The following LRP1B variants were observed in gnomAD, a reference collection of about 807,000 sequenced individuals.
The protein encoded by LRP1B is low-density lipoprotein receptor-related protein 1B.
Under a neutral mutation model 556.6 loss-of-function variants are expected in LRP1B, and 217 were observed. That is an observed-to-expected ratio of 0.39 (90% CI 0.35 to 0.44). The LOEUF (loss-of-function observed/expected upper bound fraction) is 0.44, where lower values mean the gene tolerates loss of function less well. LRP1B is among the 20% of genes least tolerant of loss of function. The pLI, the probability that LRP1B is intolerant of heterozygous loss-of-function variation, is 1.00. For synonymous variants in LRP1B, 2,047 were observed against 1,865.8 expected (o/e 1.10, Z -2.50); for missense variants, 5,053 against 5,620.8 (o/e 0.90, Z 3.23).
intron 2 of LRP1B, among the ~76,000 whole-genome samples, chr2:141,489,227 A>G (rs959516535): frequency 1.4e-5 from 2 of 140,052 alleles, no homozygotes; most frequent in Non-Finnish European, 3.1e-5. Context: ...AGCTCAAGCA[A>G]TCTGCTTGGC....
At chr2:140,848,275 C>T (rs1692336675) in intron 29 of LRP1B, among the ~76,000 whole-genome samples, 1 of 152,222 alleles carries the variant, frequency 6.6e-6, no homozygotes, top group South Asian at 2.1e-4. Flanking sequence ...CACATTTGCC[C>T]CTGCCCTTGT....
intron 3 of LRP1B, among the ~76,000 whole-genome samples, chr2:141,315,900 T>C (rs917389274): frequency 7.0e-6 from 1 of 142,704 alleles, no homozygotes; most frequent in East Asian, 2.0e-4. Flanking sequence ...TTTTTTTTTT[T>C]TTTTTTTTTT....
chr2:141,444,964 C>T (rs1681130144), intron 3 of LRP1B, among the ~76,000 whole-genome samples: 1 of 152,144 alleles, frequency 6.6e-6, no homozygotes, highest in African/African-American at 2.4e-5. Context: ...GGAGGAGTCC[C>T]TCTTTTTCTA....
At chr2:140,973,314 T>G (rs911995027) in intron 18 of LRP1B, among the ~76,000 whole-genome samples, 2 of 151,910 alleles carry the variant, frequency 1.3e-5, no homozygotes, top group Admixed American at 1.3e-4. Flanking sequence ...CTTCAAAAGT[T>G]AGGCTTATCC....
intron 7 of LRP1B, among the ~76,000 whole-genome samples, chr2:141,129,669 G>A (rs1233216659): frequency 3.3e-5 from 5 of 151,806 alleles, no homozygotes; most frequent in African/African-American, 4.8e-5. Flanking sequence ...ATATTCATTG[G>A]TTTCATTTTA....
intron 1 of LRP1B, among the ~76,000 whole-genome samples, chr2:142,013,342 T>C (rs1703013989): frequency 6.6e-6 from 1 of 152,136 alleles, no homozygotes; most frequent in Admixed American, 6.5e-5. Context: ...CAGAGTAGTA[T>C]CGGAAGGTGA....
At position 141,807,968 on chromosome 2, in the gene LRP1B, A is replaced by G. The variant is rs982144995; in HGVS notation, c.205+2311T>C. ...AATATTTGTCATCACCTACTTCGAC[A>G]TGCATTGAGAGGTCTCTTTTCTCTC... On this transcript the variant is annotated intron_variant, in intron 2 of 90. Transcript: ENST00000389484. 6.6e-5 allele frequency among the ~76,000 whole-genome samples: 10 copies of G among 152,184 alleles called. No individual in the cohort carries two copies. In the East Asian group the frequency reaches 1.7e-3, roughly 27 times the overall value.
At chr2:142,095,165 G>T (rs928891892) in intron 1 of LRP1B, among the ~76,000 whole-genome samples, 1 of 151,142 alleles carries the variant, frequency 6.6e-6, no homozygotes, top group African/African-American at 2.4e-5. Context: ...TCAGCAGATG[G>T]ACCCCTATAT....
At chr2:140,988,550 C>T (rs1280009417) in intron 17 of LRP1B, among the ~76,000 whole-genome samples, 2 of 151,826 alleles carry the variant, frequency 1.3e-5, no homozygotes, top group African/African-American at 4.8e-5. Flanking sequence ...AATACTCTTA[C>T]CGTGCTGGAA....
intron 2 of LRP1B, among the ~76,000 whole-genome samples, chr2:141,729,060 C>A (rs1156840924): frequency 1.3e-5 from 2 of 152,134 alleles, no homozygotes; most frequent in Non-Finnish European, 2.9e-5. Flanking sequence ...CCGCTTATTA[C>A]AGCAGCTGAG....
chr2:142,067,545 A>G (rs1705150837), intron 1 of LRP1B, among the ~76,000 whole-genome samples: 1 of 151,568 alleles, frequency 6.6e-6, no homozygotes, highest in Non-Finnish European at 1.5e-5. Context: ...CCCAAAGTGG[A>G]AGTCATCCCT....
intron 7 of LRP1B, among the ~76,000 whole-genome samples, chr2:141,118,375 T>A (rs994067208): frequency 5.3e-5 from 8 of 151,944 alleles, no homozygotes; most frequent in Admixed American, 2.6e-4. Context: ...TCCTACCAGG[T>A]ATACCACTTG....
chr2:140,942,542 A>G (rs1334129783), intron 20 of LRP1B, among the ~76,000 whole-genome samples: 1 of 152,108 alleles, frequency 6.6e-6, no homozygotes, highest in Non-Finnish European at 1.5e-5. Flanking sequence ...GCTAGAGACA[A>G]AAGTCATATC....
rs528995935 is a variant in LRP1B at position 140,314,419 on chromosome 2, T to C, written c.12805+516A>G. Among the ~76,000 whole-genome samples, 201 of 152,194 alleles carry C rather than the reference T, an allele frequency of 1.3e-3. 1 individual carries two copies. The highest frequency in any genetic ancestry group is 3.4e-3 in the Middle Eastern group (1 of 294). Reference sequence around the variant, plus strand: ...ATTAATAATAATCTCAAATATATCCTAAGATGTAGAAACCTTGTATTTCCA... The same window carrying C: ...ATTAATAATAATCTCAAATATATCCCAAGATGTAGAAACCTTGTATTTCCA... On this transcript the variant is annotated intron_variant, in intron 83 of 90. Transcript: ENST00000389484.
rs79707122 is a variant in LRP1B, at chr2:141,520,614, G to A, written c.206-40081C>T. 5.3e-3 allele frequency among the ~76,000 whole-genome samples: 801 copies of A among 152,052 alleles called. 7 individuals carry two copies. The highest frequency in any genetic ancestry group is 0.018 in the African/African-American group (762 of 41,470). On this transcript the variant is annotated intron_variant, in intron 2 of 90. Transcript: ENST00000389484. The stretch of plus-strand genomic sequence containing the variant: ...TCTGACTGACTGCCTCAACTGTGAC[G>A]GCGATGGTAAACGGGTCGGGAGAGG...
intron 3 of LRP1B, among the ~76,000 whole-genome samples, chr2:141,292,055 G>A (rs1685991035): frequency 6.6e-6 from 1 of 152,150 alleles, no homozygotes; most frequent in African/African-American, 2.4e-5. Flanking sequence ...GGTGAGCATG[G>A]GTGAGGTAGC....
intron 43 of LRP1B, among the ~76,000 whole-genome samples, chr2:140,569,471 G>C (rs1337230177): frequency 1.3e-5 from 2 of 151,720 alleles, no homozygotes; most frequent in Non-Finnish European, 3.0e-5. Flanking sequence ...AGACAAAGAA[G>C]GTCATTATGT....
In LRP1B at chr2:141,953,729, C is replaced by T. The variant is rs541803312; in HGVS notation, c.83-143328G>A. Among the ~76,000 whole-genome samples, 31 of 152,208 alleles carry T rather than the reference C, an allele frequency of 2.0e-4. No homozygotes were observed. The South Asian group carries it at 6.2e-3, about 31-fold the overall frequency. ...TTTTGGAGTTCCTACATTATAACATCTTTAAAACTCCACAGTAACATACTA... is the reference window on the plus strand; with the variant it reads ...TTTTGGAGTTCCTACATTATAACATTTTTAAAACTCCACAGTAACATACTA... On this transcript the variant is annotated intron_variant, in intron 1 of 90. Transcript: ENST00000389484.
intron 2 of LRP1B, among the ~76,000 whole-genome samples, chr2:141,666,872 A>G (rs1302641313): frequency 6.6e-6 from 1 of 152,212 alleles, no homozygotes; most frequent in Non-Finnish European, 1.5e-5. Context: ...TAACCTTGGT[A>G]CAGTTTTCTT....
Sources: allele counts gnomAD v4.1 joint callset (sites outside exome capture counted in the v4.1 genomes callset), GRCh38; gene constraint gnomAD v4.1.1; transcripts MANE v1.5; gene names NCBI Gene and HGNC (gene_info 2026-07-23, HGNC 2026-07-21).